The following KATNAL1 variants were observed in gnomAD, a reference collection of about 807,000 sequenced individuals.
KATNAL1 encodes the protein katanin catalytic subunit A1 like 1.
In KATNAL1, 32 loss-of-function variants were observed where a neutral mutation model predicts 55.2. That is an observed-to-expected ratio of 0.58 (90% CI 0.44 to 0.78). The LOEUF (loss-of-function observed/expected upper bound fraction) is 0.78, where lower values mean the gene tolerates loss of function less well. Among genes scored for constraint, KATNAL1 ranks in the 30% least tolerant of loss-of-function variants. The pLI is 0.00. For synonymous variants in KATNAL1, 193 were observed against 193.6 expected (o/e 1.00, Z 0.02); for missense variants, 466 against 600.9 (o/e 0.78, Z 2.35).
intron 3 of KATNAL1, among the ~76,000 whole-genome samples, chr13:30,268,972 T>C (rs1180846302): frequency 6.6e-6 from 1 of 152,172 alleles, no homozygotes; most frequent in African/African-American, 2.4e-5. Context: ...CTAGCAGGAA[T>C]GGTAACACAC....
chr13:30,242,496 T>C (rs1051726922), intron 4 of KATNAL1, among the ~76,000 whole-genome samples: 1 of 152,012 alleles, frequency 6.6e-6, no homozygotes, highest in Non-Finnish European at 1.5e-5. Context: ...TCTAGTCTAG[T>C]GGGGGAAACG....
intron 1 of KATNAL1, among the ~76,000 whole-genome samples, chr13:30,290,168 CA>C (rs903617627): frequency 2.6e-5 from 4 of 151,870 alleles, no homozygotes; most frequent in African/African-American, 9.7e-5. Flanking sequence ...AAATTAAAAC[CA>C]AAAGAAGCAG....
chr13:30,280,059 T>C lies in KATNAL1; in HGVS notation c.323+4A>G. 2 of 1,608,746 alleles carry C rather than the reference T, an allele frequency of 1.2e-6. No individual in the cohort carries two copies. The highest frequency in any genetic ancestry group is 2.2e-5 in the South Asian group (2 of 89,970). ...ACCTAAAGAGAATATAAAGTCCTAT[T>C]TACCTGTGTTCTGCAGGAACAGGGG... On this transcript the variant is annotated splice_donor_region_variant and intron_variant, in intron 3 of 10. Coordinates refer to ENST00000380615, the MANE Select transcript of KATNAL1 (RefSeq NM_032116.5).
chr13:30,298,277 A>G (rs1290805191), intron 1 of KATNAL1, among the ~76,000 whole-genome samples: 2 of 152,202 alleles, frequency 1.3e-5, no homozygotes, highest in Non-Finnish European at 2.9e-5. Flanking sequence ...TATGGTATAT[A>G]CTCTGATTTC....
intron 1 of KATNAL1, among the ~76,000 whole-genome samples, chr13:30,297,933 C>T (rs149411368): frequency 6.0e-4 from 92 of 152,282 alleles, no homozygotes; most frequent in Non-Finnish European, 9.3e-4. Context: ...CTCTGGGTGA[C>T]GGGATCATTC....
At chr13:30,257,175 A>AAAT in intron 3 of KATNAL1, among the ~76,000 whole-genome samples, 1 of 151,020 alleles carries the variant, frequency 6.6e-6, no homozygotes, top group African/African-American at 2.4e-5. Context: ...CTGTTTTTTG[A>AAAT]CCTAATTTTT....
At position 30,252,345 on chromosome 13, in the gene KATNAL1, C is replaced by A. The variant is rs554280537; in HGVS notation, c.492+3102G>T. ...CTACTACTGCTATTATTAGTTGTTC[C>A]ATCATACAGTTCCCAACACCAAATT... On this transcript the variant is annotated intron_variant, in intron 4 of 10. Coordinates refer to ENST00000380615, the MANE Select transcript of KATNAL1 (RefSeq NM_032116.5). Among the ~76,000 whole-genome samples the A allele has an allele frequency of 2.4e-3, 362 of 152,272 alleles. 2 individuals carry two copies. Among genetic ancestry groups the A allele is most frequent in the Non-Finnish European group, 4.4e-3 (296 of 68,018 alleles).
At chr13:30,235,891 C>T (rs1876615760) in intron 6 of KATNAL1, among the ~76,000 whole-genome samples, 1 of 151,506 alleles carries the variant, frequency 6.6e-6, no homozygotes. Context: ...GATTTGAAGA[C>T]TTGCTGATAA....
At chr13:30,246,135 G>A (rs1180646004) in intron 4 of KATNAL1, among the ~76,000 whole-genome samples, 1 of 152,146 alleles carries the variant, frequency 6.6e-6, no homozygotes, top group Non-Finnish European at 1.5e-5. Flanking sequence ...ATGCTACCTT[G>A]ACTTCAAACT....
At position 30,258,130 on chromosome 13, in the gene KATNAL1, C is replaced by A. The variant is rs1878942653; in HGVS notation, c.324-2515G>T. Among the ~76,000 whole-genome samples the A allele has an allele frequency of 2.6e-5, 4 of 152,302 alleles. 1 individual carries two copies. Among genetic ancestry groups the A allele is most frequent in the African/African-American group, 9.6e-5 (4 of 41,554 alleles). On this transcript the variant is annotated intron_variant, in intron 3 of 10. Transcript: ENST00000380615. ...AATGGTCAAACAGACTGACACAGTA[C>A]TAGCTTACGGCACTTCAAATTTAGA...
intron 3 of KATNAL1, among the ~76,000 whole-genome samples, chr13:30,275,992 G>C (rs1880813691): frequency 6.6e-6 from 1 of 152,030 alleles, no homozygotes; most frequent in Non-Finnish European, 1.5e-5. Context: ...GGTATTACTG[G>C]AAGAAACCAA....
chr13:30,276,262 G>A (rs1880832916), intron 3 of KATNAL1, among the ~76,000 whole-genome samples: 1 of 152,158 alleles, frequency 6.6e-6, no homozygotes, highest in Non-Finnish European at 1.5e-5. Context: ...CCTTAATTAT[G>A]ATTAAACTCA....
At chr13:30,244,840 CTA>C (rs1877626227) in intron 4 of KATNAL1, among the ~76,000 whole-genome samples, 1 of 152,098 alleles carries the variant, frequency 6.6e-6, no homozygotes, top group Admixed American at 6.6e-5. Flanking sequence ...CCTCCCAAGA[CTA>C]AACCAGGAAG....
At chr13:30,220,038 G>T (rs112835669) in intron 9 of KATNAL1, among the ~76,000 whole-genome samples, 185 of 152,256 alleles carry the variant, frequency 1.2e-3, no homozygotes, top group African/African-American at 4.4e-3. Context: ...TGAATAATGT[G>T]ACTGACAGTT....
intron 3 of KATNAL1, among the ~76,000 whole-genome samples, chr13:30,269,514 G>A (rs1287326681): frequency 7.9e-5 from 12 of 151,664 alleles, no homozygotes; most frequent in Non-Finnish European, 1.6e-4. Context: ...AGTGAGGAGC[G>A]TCTCTGCCTG....
chr13:30,304,472 CT>C (rs139451864), intron 1 of KATNAL1, among the ~76,000 whole-genome samples: 2,073 of 152,166 alleles, frequency 0.014, 54 homozygotes, highest in African/African-American at 0.048. Flanking sequence ...GTTTCACCAT[CT>C]TGGCCAGGAT....
chr13:30,277,855 C>T (rs994557297), intron 3 of KATNAL1, among the ~76,000 whole-genome samples: 5 of 150,114 alleles, frequency 3.3e-5, no homozygotes, highest in Non-Finnish European at 6.0e-5. Context: ...TAGTGGCGGG[C>T]GCCTGTAGTC....
chr13:30,252,468 A>G (rs1010143445), intron 4 of KATNAL1, among the ~76,000 whole-genome samples: 4 of 152,222 alleles, frequency 2.6e-5, no homozygotes, highest in African/African-American at 9.6e-5. Flanking sequence ...ACATAGTTAG[A>G]GTGCTGCAGC....
intron 2 of KATNAL1, among the ~76,000 whole-genome samples, chr13:30,281,522 T>G (rs940682193): frequency 6.6e-6 from 1 of 152,140 alleles, no homozygotes; most frequent in East Asian, 1.9e-4. Flanking sequence ...AGAAAACAAC[T>G]AAAAATTTGA....
Sources: allele counts gnomAD v4.1 joint callset (sites outside exome capture counted in the v4.1 genomes callset), GRCh38; gene constraint gnomAD v4.1.1; transcripts MANE v1.5; gene names NCBI Gene and HGNC (gene_info 2026-07-23, HGNC 2026-07-21).